Variants in CA8 observed in about 807,000 individuals in gnomAD.
CA8 encodes the protein carbonic anhydrase-related protein.
CA8 carries 22 observed loss-of-function variants against 41.4 expected under a neutral mutation model. That is an observed-to-expected ratio of 0.53 (90% confidence interval 0.38 to 0.76). The LOEUF (loss-of-function observed/expected upper bound fraction) is 0.76, where lower values mean the gene tolerates loss of function less well. Among genes scored for constraint, CA8 ranks in the 30% least tolerant of loss-of-function variants. The pLI, the probability that CA8 is intolerant of heterozygous loss-of-function variation, is 0.00. For synonymous variants in CA8, 121 were observed against 130.6 expected (o/e 0.93, Z 0.50); for missense variants, 270 against 352.8 (o/e 0.77, Z 1.88).
chr8:60,201,267 G>C (rs894259826), intron 8 of CA8, among the ~76,000 whole-genome samples: 7 of 152,330 alleles, frequency 4.6e-5, no homozygotes, highest in African/African-American at 1.7e-4. Flanking sequence ...AATTCTAGAA[G>C]TTAATTAAAA....
intron 3 of CA8, among the ~76,000 whole-genome samples, chr8:60,241,973 T>C (rs1030170319): frequency 3.3e-5 from 5 of 152,210 alleles, no homozygotes; most frequent in African/African-American, 1.2e-4. Context: ...GCCACGATGA[T>C]GAAAGAGTTC....
intron 3 of CA8, among the ~76,000 whole-genome samples, chr8:60,238,507 G>T (rs375058498): frequency 2.0e-5 from 3 of 151,914 alleles, no homozygotes; most frequent in African/African-American, 7.2e-5. Context: ...CTCTTCAAAG[G>T]AGCTTCCCAC....
At chr8:60,267,172 G>C (rs577380371) in intron 2 of CA8, among the ~76,000 whole-genome samples, 1 of 152,308 alleles carries the variant, frequency 6.6e-6, no homozygotes, top group African/African-American at 2.4e-5. Flanking sequence ...TTTCAAAAAG[G>C]ATTTAAGGCT....
intron 3 of CA8, among the ~76,000 whole-genome samples, chr8:60,253,266 ATAG>A (rs1808513155): frequency 6.6e-6 from 1 of 152,106 alleles, no homozygotes; most frequent in Middle Eastern, 3.2e-3. Flanking sequence ...AACAATATGG[ATAG>A]TAGTGAAAGT....
At chr8:60,216,172 C>T (rs1433286768) in intron 7 of CA8, among the ~76,000 whole-genome samples, 2 of 152,196 alleles carry the variant, frequency 1.3e-5, no homozygotes, top group African/African-American at 4.8e-5. Context: ...ACATTCTCTT[C>T]TTTTGATTCC....
At chr8:60,237,919 T>C (rs114548737) in intron 3 of CA8, among the ~76,000 whole-genome samples, 2,239 of 152,338 alleles carry the variant, frequency 0.015, 51 homozygotes, top group African/African-American at 0.051. Context: ...AGATCCATTA[T>C]TACTCTGGCA....
intron 3 of CA8, among the ~76,000 whole-genome samples, chr8:60,253,372 G>A (rs1023397136): frequency 1.3e-4 from 20 of 151,782 alleles, no homozygotes; most frequent in Admixed American, 5.3e-4. Context: ...AGTGTACCAC[G>A]ATTATTCCAA....
intron 6 of CA8, among the ~76,000 whole-genome samples, chr8:60,223,292 AT>A (rs113084249): frequency 9.3e-5 from 14 of 150,018 alleles, no homozygotes; most frequent in African/African-American, 2.4e-4. Flanking sequence ...CATAACCTGT[AT>A]TTTTTTTTTC....
intron 7 of CA8, among the ~76,000 whole-genome samples, chr8:60,214,681 C>A (rs1016379023): frequency 2.0e-5 from 3 of 152,144 alleles, no homozygotes; most frequent in Non-Finnish European, 2.9e-5. Flanking sequence ...GCTTCCAGAT[C>A]CCACAGGCTG....
intron 8 of CA8, among the ~76,000 whole-genome samples, chr8:60,190,930 C>T (rs1408326375): frequency 1.2e-5 from 1 of 82,722 alleles, no homozygotes; most frequent in East Asian, 3.4e-4. Flanking sequence ...CACCTGCACA[C>T]ACACACACTA....
chr8:60,213,194 CT>C (rs942844728), intron 7 of CA8, among the ~76,000 whole-genome samples: 3 of 152,362 alleles, frequency 2.0e-5, no homozygotes, highest in Admixed American at 2.0e-4. Flanking sequence ...TTTAATCGAT[CT>C]TTTCAATTTT....
intron 4 of CA8, among the ~76,000 whole-genome samples, chr8:60,228,730 T>C (rs535980538): frequency 4.5e-4 from 69 of 152,328 alleles, no homozygotes; most frequent in African/African-American, 1.6e-3. Flanking sequence ...ATAATTCACT[T>C]AATGTCCATT....
intron 3 of CA8, among the ~76,000 whole-genome samples, chr8:60,233,248 TA>T (rs1357922512): frequency 6.6e-6 from 1 of 152,238 alleles, no homozygotes; most frequent in Non-Finnish European, 1.5e-5. Flanking sequence ...CGCCTTATTT[TA>T]AAATTAGTTC....
intron 2 of CA8, among the ~76,000 whole-genome samples, chr8:60,269,675 C>A (rs546556718): frequency 6.6e-6 from 1 of 152,166 alleles, no homozygotes; most frequent in African/African-American, 2.4e-5. Flanking sequence ...AGTGCTCAAG[C>A]CTTATTCCTT....
intron 3 of CA8, among the ~76,000 whole-genome samples, chr8:60,251,215 G>A (rs1204624724): frequency 6.6e-6 from 1 of 152,152 alleles, no homozygotes; most frequent in Non-Finnish European, 1.5e-5. Flanking sequence ...AAATCCTCTA[G>A]ACACAGGACA....
At chr8:60,226,729 T>G in intron 5 of CA8, 144 bp downstream of exon 5, 1 of 640,884 alleles carries the variant, frequency 1.6e-6, no homozygotes, top group Non-Finnish European at 2.8e-6. Flanking sequence ...GACCTATTTC[T>G]TTTCACTGTA....
At chr8:60,258,100 C>T (rs1395316077) in intron 3 of CA8, among the ~76,000 whole-genome samples, 1 of 152,210 alleles carries the variant, frequency 6.6e-6, no homozygotes, top group East Asian at 1.9e-4. Context: ...CTCTCTCCAG[C>T]GTCTCCACAC....
intron 2 of CA8, among the ~76,000 whole-genome samples, chr8:60,273,972 A>T (rs1311909755): frequency 1.3e-5 from 2 of 152,254 alleles, no homozygotes; most frequent in African/African-American, 4.8e-5. Context: ...CATTTAAATT[A>T]TACTACAACT....
rs1807674551 is a variant in CA8, at chr8:60,232,286, GAACA to G, written c.507_510del (p.Val170ArgfsTer2). Reference sequence around the variant, plus strand: ...GATAATCACAGCAGACCGTTTACCTGAACAAACAGAGCAATGATGGCGATTCCGT... The same window carrying G: ...GATAATCACAGCAGACCGTTTACCTGAACAGAGCAATGATGGCGATTCCGT... On this transcript the variant is annotated frameshift_variant, in exon 4 of 9. Coordinates refer to ENST00000317995, the MANE Select transcript of CA8 (RefSeq NM_004056.6). LOFTEE classifies it high-confidence loss of function. The G allele has an allele frequency of 6.2e-7, 1 of 1,609,644 alleles. No individual in the cohort carries two copies. Among genetic ancestry groups the G allele is most frequent in the African/African-American group, 1.3e-5 (1 of 74,816 alleles).
Sources: allele counts gnomAD v4.1 joint callset (sites outside exome capture counted in the v4.1 genomes callset), GRCh38; gene constraint gnomAD v4.1.1; transcripts MANE v1.5; gene names NCBI Gene and HGNC (gene_info 2026-07-23, HGNC 2026-07-21).